The following PCNX1 variants were observed in gnomAD, a reference collection of about 807,000 sequenced individuals.
The protein encoded by PCNX1 is pecanex-like protein 1.
PCNX1 carries 78 observed loss-of-function variants against 242.2 expected under a neutral mutation model. The observed-to-expected ratio is 0.32, with a 90% CI of 0.27 to 0.39. The LOEUF (loss-of-function observed/expected upper bound fraction) is 0.39. Among genes scored for constraint, PCNX1 ranks in the 10% least tolerant of loss-of-function variants. The probability of loss-of-function intolerance (pLI) is 1.00; values close to 1 mark genes in which losing one functional copy is unlikely to be tolerated. For synonymous variants in PCNX1, 1,024 were observed against 1,032.9 expected (o/e 0.99, Z 0.17); for missense variants, 2,581 against 2,856.5 (o/e 0.90, Z 2.20).
At chr14:71,001,485 T>C (rs1161209256) in intron 8 of PCNX1, among the ~76,000 whole-genome samples, 1 of 152,238 alleles carries the variant, frequency 6.6e-6, no homozygotes, top group African/African-American at 2.4e-5. Context: ...CTCAGAAGTT[T>C]ATCACTGTTA....
chr14:70,996,142 T>C (rs2059344702), intron 8 of PCNX1, among the ~76,000 whole-genome samples: 1 of 152,206 alleles, frequency 6.6e-6, no homozygotes, highest in Non-Finnish European at 1.5e-5. Flanking sequence ...TTTGGTCATG[T>C]CCATTTTTAA....
intron 2 of PCNX1, among the ~76,000 whole-genome samples, chr14:70,949,269 G>A (rs576878906): frequency 0.016 from 449 of 27,788 alleles, 1 homozygote; most frequent in Non-Finnish European, 0.035. Context: ...ACACGTGTAT[G>A]CACACACGTG....
chr14:70,963,694 C>A (rs574332177), intron 3 of PCNX1, among the ~76,000 whole-genome samples: 1 of 152,264 alleles, frequency 6.6e-6, no homozygotes, highest in Non-Finnish European at 1.5e-5. Context: ...AACCTAGTAC[C>A]TTTCTCTCTT....
chr14:71,027,063 A>G lies in PCNX1; in HGVS notation c.3466+181A>G, dbSNP rs181521928. ...ATTTGTGGATAGGAAAAAATAGTCA[A>G]GTCTGCTACTTTAGAGAAAGAGCCA... is the stretch of plus-strand genomic sequence containing the variant. On this transcript the variant is annotated intron_variant, in intron 15 of 35. Transcript: ENST00000304743. 9.4e-5 allele frequency: 44 copies of G among 469,798 alleles called. No individual in the cohort carries two copies. In the East Asian group the frequency reaches 1.6e-3, roughly 17 times the overall value. The allele number at this position is 469,798 out of a possible 1,614,324, so 29.1% of individuals were successfully genotyped here.
intron 8 of PCNX1, among the ~76,000 whole-genome samples, chr14:71,007,658 T>C (rs2059704108): frequency 6.6e-6 from 1 of 152,198 alleles, no homozygotes; most frequent in African/African-American, 2.4e-5. Context: ...TGAGCAGATA[T>C]TTCTTTTTTC....
Position 71,047,093 on chromosome 14 carries a change from A to G in PCNX1, c.4148A>G (p.Lys1383Arg). Residue 1383 changes from lysine to arginine, a missense_variant, in exon 21 of 36, where the codon AAA becomes AGA. Lys to Arg is a conservative substitution (Grantham distance 26). This residue lies in a region of PCNX1 where 432 missense variants were observed against 443.1 expected (regional missense o/e 0.97). Transcript: ENST00000304743. ...SSAETIASPK[K>R]LNTELGALMI... ...GCAGAGACAATTGCTAGTCCAAAGAAACTGAATACAGAGTAAGTATAGTAG... is the reference window on the plus strand; with the variant it reads ...GCAGAGACAATTGCTAGTCCAAAGAGACTGAATACAGAGTAAGTATAGTAG... 1.9e-6 allele frequency: 3 copies of G among 1,601,730 alleles called. No homozygotes were observed. Among genetic ancestry groups the G allele is most frequent in the Non-Finnish European group, 2.6e-6 (3 of 1,171,208 alleles).
intron 3 of PCNX1, among the ~76,000 whole-genome samples, chr14:70,964,715 CTGTT>C (rs2058326365): frequency 6.6e-6 from 1 of 152,116 alleles, no homozygotes; most frequent in Non-Finnish European, 1.5e-5. Flanking sequence ...TGGAACTTGC[CTGTT>C]TGTTTTAGGG....
At chr14:71,040,356 CTT>C (rs1000437915) in intron 19 of PCNX1, among the ~76,000 whole-genome samples, 6 of 152,082 alleles carry the variant, frequency 3.9e-5, no homozygotes, top group Non-Finnish European at 8.8e-5. Context: ...ATGTAGATAA[CTT>C]TTTTTCTGTA....
intron 26 of PCNX1, among the ~76,000 whole-genome samples, chr14:71,070,220 C>A (rs2061555195): frequency 6.6e-6 from 1 of 152,184 alleles, no homozygotes; most frequent in Non-Finnish European, 1.5e-5. Flanking sequence ...CTTGCTATTC[C>A]TGCCATATCT....
At chr14:71,102,466 A>G (rs974392135) in intron 31 of PCNX1, among the ~76,000 whole-genome samples, 6 of 151,886 alleles carry the variant, frequency 4.0e-5, no homozygotes, top group Admixed American at 1.3e-4. Flanking sequence ...GGGTTTTGCA[A>G]TGTTGCCCAG....
chr14:71,098,543 TGTGTGTGTGTGA>T (rs1421172836), intron 30 of PCNX1, among the ~76,000 whole-genome samples: 4 of 136,800 alleles, frequency 2.9e-5, no homozygotes, highest in Admixed American at 7.5e-5. Flanking sequence ...TGTGTGTGTG[TGTGTGTGTGTGA>T]GAGAGAGAGA....
At chr14:70,971,662 G>T (rs963700597) in intron 5 of PCNX1, among the ~76,000 whole-genome samples, 1 of 152,172 alleles carries the variant, frequency 6.6e-6, no homozygotes, top group African/African-American at 2.4e-5. Context: ...AGAAGATAGG[G>T]ATTGGTGGGG....
intron 19 of PCNX1, among the ~76,000 whole-genome samples, chr14:71,041,102 A>T (rs555290667): frequency 2.6e-5 from 4 of 152,256 alleles, no homozygotes; most frequent in Non-Finnish European, 5.9e-5. Context: ...GTTGCCTCCA[A>T]ATCTTGGCTA....
chr14:70,983,427 CCCGAGT>C (rs2058902691), intron 6 of PCNX1, among the ~76,000 whole-genome samples: 1 of 152,142 alleles, frequency 6.6e-6, no homozygotes, highest in South Asian at 2.1e-4. Flanking sequence ...GCCTCAGCCT[CCCGAGT>C]AGCTGGGACT....
chr14:71,079,553 C>G (rs1332785552), intron 28 of PCNX1, among the ~76,000 whole-genome samples: 2 of 152,076 alleles, frequency 1.3e-5, no homozygotes, highest in African/African-American at 4.8e-5. Flanking sequence ...TGTTTCCTGA[C>G]TTTTTAATGA....
intron 1 of PCNX1, among the ~76,000 whole-genome samples, chr14:70,927,510 C>T (rs9323551): frequency 1.6e-3 from 248 of 152,136 alleles, no homozygotes; most frequent in African/African-American, 5.7e-3. Context: ...TCTGGTAATG[C>T]TCTTATGAGA....
At chr14:71,104,333 C>G (rs1349416736) in intron 32 of PCNX1, among the ~76,000 whole-genome samples, 1 of 152,054 alleles carries the variant, frequency 6.6e-6, no homozygotes, top group Non-Finnish European at 1.5e-5. Context: ...AGCAAACTCT[C>G]AAATGTTCAA....
At position 70,924,982 on chromosome 14, in the gene PCNX1, G is replaced by GTT. The variant is rs34543671; in HGVS notation, c.153+16991_153+16992dup. On this transcript the variant is annotated intron_variant, in intron 1 of 35. Coordinates refer to ENST00000304743, the MANE Select transcript of PCNX1 (RefSeq NM_014982.3). Reference sequence around the variant, plus strand: ...TTGTAAATAACAGTTTTCACATCTGGTTTTTTTTTTTTTAATTTTTTATTG... The same window carrying GTT: ...TTGTAAATAACAGTTTTCACATCTGGTTTTTTTTTTTTTTTAATTTTTTATTG... Among the ~76,000 whole-genome samples, 538 of 144,256 alleles carry GTT rather than the reference G, an allele frequency of 3.7e-3. 1 individual carries two copies. Among genetic ancestry groups the GTT allele is most frequent in the African/African-American group, 0.013 (522 of 39,564 alleles). The allele number at this position is 144,256 out of a possible 152,430, so 94.6% of individuals were successfully genotyped here. A position where few individuals can be genotyped will look rare whatever the true frequency, so the allele number is the denominator to read the frequency against.
intron 8 of PCNX1, among the ~76,000 whole-genome samples, chr14:70,998,750 CAAAAAAA>C (rs34044438): frequency 5.6e-5 from 5 of 89,088 alleles, no homozygotes; most frequent in South Asian, 3.7e-4. Flanking sequence ...GACCCTATCT[CAAAAAAA>C]AAAAAAAAAA....
Sources: allele counts gnomAD v4.1 joint callset (sites outside exome capture counted in the v4.1 genomes callset), GRCh38; gene constraint gnomAD v4.1.1; regional missense constraint gnomAD v4.1.1; transcripts MANE v1.5; gene names NCBI Gene and HGNC (gene_info 2026-07-23, HGNC 2026-07-21).